Variants in HOXC13 observed in about 807,000 individuals in gnomAD.
The protein encoded by HOXC13 is homeobox protein Hox-C13.
In HOXC13, 10 loss-of-function variants were observed where a neutral mutation model predicts 25.9. The ratio of observed to expected loss-of-function variants is 0.39; its 90% confidence interval spans 0.24 to 0.65. The LOEUF is 0.65. Ranked by LOEUF, HOXC13 falls within the 30% of genes least tolerant of loss-of-function variation. HOXC13 has a pLI of 0.50. For synonymous variants in HOXC13, 233 were observed against 217.1 expected, an observed-to-expected ratio of 1.07 and a Z score of -0.64; for missense variants, 439 against 478.3, an observed-to-expected ratio of 0.92 and a Z score of 0.77.
Position 53,939,055 on chromosome 12 carries a change from G to C in HOXC13, c.149G>C (p.Ser50Thr), listed in dbSNP as rs1867298. ...GGAGGGCSGA[S>T]PGKAPSMDGL... ...GCGGGGGGTGGCTGCAGCGGAGCGAGCCCCGGCAAAGCCCCGAGCATGGAT... is the reference window on the plus strand; with the variant it reads ...GCGGGGGGTGGCTGCAGCGGAGCGACCCCCGGCAAAGCCCCGAGCATGGAT... Residue 50 changes from serine (S) to threonine (T), a missense_variant, in exon 1 of 2, where the codon AGC (serine) becomes ACC (threonine). Transcript: ENST00000243056. This position sits in a 1 kb window ranked among gnomAD's most constrained non-coding sequence, Gnocchi z 6.7. 18 of 1,439,790 alleles carry C rather than the reference G, an allele frequency of 1.3e-5. No homozygotes were observed. Among genetic ancestry groups the C allele is most frequent in the Non-Finnish European group, 1.6e-5 (18 of 1,106,714 alleles). 89.2% of individuals were successfully genotyped at this position (1,439,790 alleles called of 1,614,324 possible). A position where few individuals can be genotyped will look rare whatever the true frequency, so the allele number is the denominator to read the frequency against.
chr12:53,941,906 C>CT (rs1404331370), intron 1 of HOXC13, among the ~76,000 whole-genome samples: 2 of 152,218 alleles, frequency 1.3e-5, no homozygotes, highest in African/African-American at 4.8e-5. Context: ...CAAGATAACT[C>CT]TGTCTGTGCA....
In HOXC13 at chr12:53,939,572, C is replaced by T. The variant is rs1396375213; in HGVS notation, c.666C>T (p.Gly222=). The part of the protein sequence containing the change: ...EGYQHWALSN[G]WDSQVYCSKE... Reference sequence around the variant, plus strand: ...ACCAGCACTGGGCTCTCTCCAATGGCTGGGACAGTCAGGTGTACTGCTCCA... The same window carrying T: ...ACCAGCACTGGGCTCTCTCCAATGGTTGGGACAGTCAGGTGTACTGCTCCA... The change falls in exon 1 of 2, where the codon GGC becomes GGT. Residue 222 remains glycine (G), a synonymous_variant. Transcript: ENST00000243056. The surrounding 1 kb of genome is among the most constrained non-coding windows in gnomAD (Gnocchi z 6.7). 1.2e-6 allele frequency: 2 copies of T among 1,610,542 alleles called. No homozygotes were observed. Among genetic ancestry groups the T allele is most frequent in the Non-Finnish European group, 1.7e-6 (2 of 1,178,910 alleles).
intron 1 of HOXC13, among the ~76,000 whole-genome samples, chr12:53,944,616 T>C (rs1348819474): frequency 1.2e-4 from 18 of 152,170 alleles, no homozygotes; most frequent in Non-Finnish European, 4.4e-5. Context: ...GATCCTAATA[T>C]TGAGTGCTGT....
Position 53,945,564 on chromosome 12 carries a change from A to G in HOXC13, c.*308A>G, listed in dbSNP as rs992877552. 6 of 439,990 alleles carry G rather than the reference A, an allele frequency of 1.4e-5. No homozygotes were observed. Among genetic ancestry groups the G allele is most frequent in the African/African-American group, 1.2e-4 (6 of 51,682 alleles). 27.3% of individuals were successfully genotyped at this position (439,990 alleles called of 1,614,324 possible). A position where few individuals can be genotyped will look rare whatever the true frequency, so the allele number is the denominator to read the frequency against. ...CTCCTCCTTGCGCTCACCTTGCCAG[A>G]AAGTCTGGTGGCAGCGCAGAGCCCA... On this transcript the variant is annotated 3_prime_UTR_variant, in exon 2 of 2. Transcript: ENST00000243056. The surrounding 1 kb of genome is among the most constrained non-coding windows in gnomAD (Gnocchi z 4.4).
Position 53,945,133 on chromosome 12 carries a change from C to T in HOXC13, c.870C>T (p.Arg290=). ...GCAAGTTCATCACCAAAGAGAAGCG[C>T]CGGCGCATCTCCGCCACCACGAACC... ...AASKFITKEK[R]RRISATTNLS... is the part of the protein sequence containing the mutation. Residue 290 remains arginine, a synonymous_variant, in exon 2 of 2, where the codon CGC becomes CGT. Transcript: ENST00000243056. The surrounding 1 kb of genome is among the most constrained non-coding windows in gnomAD (Gnocchi z 4.4). 1 of 1,614,182 alleles carries T rather than the reference C, an allele frequency of 6.2e-7. No individual in the cohort carries two copies. Among genetic ancestry groups the T allele is most frequent in the Non-Finnish European group, 8.5e-7 (1 of 1,180,042 alleles).
rs557949345 is a variant in HOXC13 at position 53,939,335 on chromosome 12, G to A, written c.429G>A (p.Lys143=). The A allele has an allele frequency of 8.1e-6, 13 of 1,599,536 alleles. No individual in the cohort carries two copies. Among genetic ancestry groups the A allele is most frequent in the South Asian group, 2.3e-5 (2 of 88,886 alleles). The change falls in exon 1 of 2, where the codon AAG becomes AAA. Residue 143 remains lysine, a synonymous_variant. Transcript: ENST00000243056. The surrounding 1 kb of genome is among the most constrained non-coding windows in gnomAD (Gnocchi z 6.7). The stretch of plus-strand genomic sequence containing the variant: ...CGCACAACGTGAACCTGCAGCAGAA[G>A]CCTTGCGCCTACCACCCGGGCGATA... ...RLSHNVNLQQ[K]PCAYHPGDKY...
chr12:53,943,635 GT>G (rs757086530), intron 1 of HOXC13, among the ~76,000 whole-genome samples: 3 of 152,144 alleles, frequency 2.0e-5, no homozygotes, highest in African/African-American at 4.8e-5. Flanking sequence ...GTGTCTCACT[GT>G]GACCACTACT....
At chr12:53,944,919 C>T (rs1223810210) in intron 1 of HOXC13, 81 bp from the exon 2 acceptor site, 1 of 1,579,988 alleles carries the variant, frequency 6.3e-7, no homozygotes, top group Non-Finnish European at 8.6e-7. Flanking sequence ...TGCCAGAACT[C>T]TGTGCCTAGG....
intron 1 of HOXC13, among the ~76,000 whole-genome samples, chr12:53,942,875 AT>A (rs893089183): frequency 1.1e-4 from 16 of 152,038 alleles, no homozygotes; most frequent in African/African-American, 3.6e-4. Flanking sequence ...TTTTAAACTG[AT>A]TTTTTTTAGG....
At position 53,945,226 on chromosome 12, in the gene HOXC13, A is replaced by G. The variant is rs1326844696; in HGVS notation, c.963A>G (p.Lys321=). The change falls in exon 2 of 2, where the codon AAA becomes AAG. Residue 321 remains lysine, a synonymous_variant. Transcript: ENST00000243056. The surrounding 1 kb of genome is among the most constrained non-coding windows in gnomAD (Gnocchi z 4.4). Reference sequence around the variant, plus strand: ...TCAAAGAGAAGAAGGTGGTCAGCAAATCGAAAGCGCCTCATCTCCACTCCA... The same window carrying G: ...TCAAAGAGAAGAAGGTGGTCAGCAAGTCGAAAGCGCCTCATCTCCACTCCA... ...RRVKEKKVVS[K]SKAPHLHST 1.2e-6 allele frequency: 2 copies of G among 1,613,948 alleles called. No individual in the cohort carries two copies. The highest frequency in any genetic ancestry group is 1.7e-6 in the Non-Finnish European group (2 of 1,180,012).
At chr12:53,941,408 G>A (rs986503935) in intron 1 of HOXC13, among the ~76,000 whole-genome samples, 2 of 152,246 alleles carry the variant, frequency 1.3e-5, no homozygotes, top group African/African-American at 4.8e-5. Context: ...TGGATTGGGG[G>A]CACAGGCCCA....
rs987596552 is a variant in HOXC13 at position 53,946,357 on chromosome 12, C to G, written c.*1101C>G. The G allele has an allele frequency of 3.1e-5, 7 of 223,052 alleles. No individual in the cohort carries two copies. The highest frequency in any genetic ancestry group is 2.9e-4 in the Admixed American group (5 of 17,460). 13.8% of individuals were successfully genotyped at this position (223,052 alleles called of 1,614,324 possible). A position where few individuals can be genotyped will look rare whatever the true frequency, so the allele number is the denominator to read the frequency against. The stretch of plus-strand genomic sequence containing the variant: ...CCTTGGTGCTGTGGGGGCCCCTTGC[C>G]TCTTCCCTTCCCACTGGTGCATTAC... On this transcript the variant is annotated 3_prime_UTR_variant, in exon 2 of 2. Coordinates refer to ENST00000243056, the MANE Select transcript of HOXC13 (RefSeq NM_017410.3).
At chr12:53,943,685 C>A (rs2136357406) in intron 1 of HOXC13, among the ~76,000 whole-genome samples, 1 of 152,214 alleles carries the variant, frequency 6.6e-6, no homozygotes, top group East Asian at 1.9e-4. Flanking sequence ...GAAAGCAGAC[C>A]CAATGGGGAT....
chr12:53,939,102 G>A lies in HOXC13; in HGVS notation c.196G>A (p.Ala66Thr). The change falls in exon 1 of 2, where the codon GCC (alanine) becomes ACC (threonine). Residue 66 changes from alanine to threonine, a missense_variant. Coordinates refer to ENST00000243056, the MANE Select transcript of HOXC13 (RefSeq NM_017410.3). The surrounding 1 kb of genome is among the most constrained non-coding windows in gnomAD (Gnocchi z 6.7). ...GGATGGTCTGGGCAGCAGCTGCCCG[G>A]CCAGCCACTGCCGCGACCTGCTTCC... ...SMDGLGSSCP[A>T]SHCRDLLPHP... is the part of the protein sequence containing the mutation. 1 of 1,436,480 alleles carries A rather than the reference G, an allele frequency of 7.0e-7. No homozygotes were observed. 89.0% of individuals were successfully genotyped at this position (1,436,480 alleles called of 1,614,324 possible).
chr12:53,940,338 A>G (rs1938589911), intron 1 of HOXC13, among the ~76,000 whole-genome samples: 1 of 152,148 alleles, frequency 6.6e-6, no homozygotes, highest in African/African-American at 2.4e-5. Flanking sequence ...TCAAACCTAT[A>G]GACATTTCCA....
rs772231269 is a variant in HOXC13 at position 53,939,002 on chromosome 12, C to A, written c.96C>A (p.Gly32=). The A allele has an allele frequency of 6.2e-5, 92 of 1,481,628 alleles. No individual in the cohort carries two copies. The highest frequency in any genetic ancestry group is 4.1e-4 in the Admixed American group (18 of 44,062). 91.8% of individuals were successfully genotyped at this position (1,481,628 alleles called of 1,614,324 possible). A position where few individuals can be genotyped will look rare whatever the true frequency, so the allele number is the denominator to read the frequency against. Reference sequence around the variant, plus strand: ...CGGAGAGCGGCATCGGCGGCGGCGGCGGAGGAGGAGGCGGCGGCACGGGCG... The same window carrying A: ...CGGAGAGCGGCATCGGCGGCGGCGGAGGAGGAGGAGGCGGCGGCACGGGCG... ...SAAESGIGGG[G]GGGGGGTGGA... Residue 32 remains glycine (G), a synonymous_variant, in exon 1 of 2, where the codon GGC becomes GGA. Transcript: ENST00000243056. The surrounding 1 kb of genome is among the most constrained non-coding windows in gnomAD (Gnocchi z 6.7).
At chr12:53,942,685 C>A (rs1160918373) in intron 1 of HOXC13, among the ~76,000 whole-genome samples, 1 of 152,224 alleles carries the variant, frequency 6.6e-6, no homozygotes, top group Non-Finnish European at 1.5e-5. Context: ...CTCTACATAC[C>A]ATTTCCTTTC....
Position 53,940,387 on chromosome 12 carries a change from G to A in HOXC13, c.736+745G>A, listed in dbSNP as rs1179247757. ...CATATGTGGTCGAGAAAGAGAGTTA[G>A]TTATTGGTGCCCCAGACACAGAAAG... On this transcript the variant is annotated intron_variant, in intron 1 of 1. Coordinates refer to ENST00000243056, the MANE Select transcript of HOXC13 (RefSeq NM_017410.3). 2.6e-5 allele frequency among the ~76,000 whole-genome samples: 4 copies of A among 152,320 alleles called. No homozygotes were observed. The East Asian group carries it at 7.7e-4, about 29-fold the overall frequency.
chr12:53,943,553 C>T (rs553543607), intron 1 of HOXC13, among the ~76,000 whole-genome samples: 1 of 151,608 alleles, frequency 6.6e-6, no homozygotes, highest in East Asian at 1.9e-4. Context: ...GAGAAATTGT[C>T]ACCAGAAGAC....
Sources: gnomAD v4.1 joint callset for allele counts (sites outside exome capture counted in the v4.1 genomes callset) on GRCh38, gnomAD v4.1.1 for gene constraint, Gnocchi (gnomAD v3.1) non-coding constraint, MANE v1.5 for transcripts, NCBI Gene and HGNC (gene_info 2026-07-23, HGNC 2026-07-21) for gene names.